SGPP1: variants seen among roughly 807,000 people sequenced by gnomAD.
SGPP1 encodes hSPP1.
SGPP1 carries 21 observed loss-of-function variants against 33.0 expected under a neutral mutation model. That is an observed-to-expected ratio of 0.64 (90% CI 0.45 to 0.92). The LOEUF (loss-of-function observed/expected upper bound fraction) is 0.92, where lower values mean the gene tolerates loss of function less well. SGPP1 is among the 40% of genes least tolerant of loss of function. The pLI is 0.00. For missense variants in SGPP1, 543 were observed against 589.4 expected (o/e 0.92, Z 0.81); for synonymous variants, 239 against 241.2 (o/e 0.99, Z 0.08).
chr14:63,698,422 ATGT>A, intron 2 of SGPP1, 144 bp downstream of exon 2: 1 of 457,300 alleles, frequency 2.2e-6, no homozygotes, highest in Non-Finnish European at 4.0e-6. Context: ...ATAAACCATC[ATGT>A]TGATATTTTC....
chr14:63,710,242 T>C (rs1048307636), intron 1 of SGPP1, among the ~76,000 whole-genome samples: 2 of 152,330 alleles, frequency 1.3e-5, no homozygotes, highest in Non-Finnish European at 2.9e-5. Flanking sequence ...TAAATGTTCA[T>C]ATATATTGAC....
At chr14:63,714,312 A>G (rs551847035) in intron 1 of SGPP1, among the ~76,000 whole-genome samples, 135 of 152,350 alleles carry the variant, frequency 8.9e-4, no homozygotes, top group Admixed American at 1.8e-3. Context: ...AAAGGCTCAG[A>G]TTGTCTATCA....
chr14:63,695,379 T>A (rs563252466), intron 2 of SGPP1, among the ~76,000 whole-genome samples: 79 of 151,928 alleles, frequency 5.2e-4, no homozygotes, highest in African/African-American at 1.9e-3. Context: ...TTAACTATAA[T>A]ATATTTCAGG....
chr14:63,724,881 TA>T (rs60279403), intron 1 of SGPP1, among the ~76,000 whole-genome samples: 203 of 123,620 alleles, frequency 1.6e-3, no homozygotes, highest in Middle Eastern at 0.01. Context: ...GACTCCGTCT[TA>T]AAAAAAAAAA....
In SGPP1 at chr14:63,712,190, CTTT is replaced by C. The variant is rs61048607; in HGVS notation, c.685-13535_685-13533del. Reference sequence around the variant, plus strand: ...AATAAAAAATTAACATTAGCTTTTTCTTTTTTTAATTTATTTTCTAAGTCTTCT... The same window carrying C: ...AATAAAAAATTAACATTAGCTTTTTCTTTTAATTTATTTTCTAAGTCTTCT... On this transcript the variant is annotated intron_variant, in intron 1 of 2. Coordinates refer to ENST00000247225, the MANE Select transcript of SGPP1 (RefSeq NM_030791.4). Among the ~76,000 whole-genome samples, 10 of 152,050 alleles carry C rather than the reference CTTT, an allele frequency of 6.6e-5. 1 individual carries two copies. The highest frequency in any genetic ancestry group is 5.2e-4 in the Admixed American group (8 of 15,264).
chr14:63,716,718 G>A (rs1474654012), intron 1 of SGPP1, among the ~76,000 whole-genome samples: 2 of 149,350 alleles, frequency 1.3e-5, no homozygotes, highest in Non-Finnish European at 3.0e-5. Flanking sequence ...TTTTGAGATA[G>A]AGTCTCACGC....
intron 2 of SGPP1, among the ~76,000 whole-genome samples, chr14:63,696,623 T>C (rs1194434819): frequency 6.6e-6 from 1 of 152,204 alleles, no homozygotes; most frequent in Admixed American, 6.5e-5. Flanking sequence ...AAGAAGTGTA[T>C]GTAAATTCAC....
In SGPP1 at chr14:63,727,623, G is replaced by A. The variant is rs1311701107; in HGVS notation, c.322C>T (p.Leu108=). 2 of 1,452,840 alleles carry A rather than the reference G, an allele frequency of 1.4e-6. No homozygotes were observed. Among genetic ancestry groups the A allele is most frequent in the Non-Finnish European group, 9.0e-7 (1 of 1,111,868 alleles). 90.0% of individuals were successfully genotyped at this position (1,452,840 alleles called of 1,614,324 possible). The change falls in exon 1 of 3, where the codon CTG becomes TTG. Residue 108 remains leucine, a synonymous_variant. Transcript: ENST00000247225. ...TCGCCCGTCAGCGAGTTGCGGCGCA[G>A]AGCGCCCGCGCGCCGCGGCGAGGCC... is the stretch of plus-strand genomic sequence containing the variant. ...GPASPRRAGA[L]RRNSLTGEEG...
chr14:63,694,367 A>G (rs781782669), intron 2 of SGPP1, among the ~76,000 whole-genome samples: 2 of 152,170 alleles, frequency 1.3e-5, no homozygotes, highest in Non-Finnish European at 2.9e-5. Context: ...CTTTAAAATA[A>G]TAACTTCTCA....
At chr14:63,701,508 C>A (rs774341622) in intron 1 of SGPP1, among the ~76,000 whole-genome samples, 1 of 152,032 alleles carries the variant, frequency 6.6e-6, no homozygotes, top group Admixed American at 6.6e-5. Flanking sequence ...GTATACTTGC[C>A]AAGCAGATTA....
intron 1 of SGPP1, among the ~76,000 whole-genome samples, chr14:63,709,872 GCT>G (rs1491543295): frequency 6.6e-6 from 1 of 151,378 alleles, no homozygotes; most frequent in Non-Finnish European, 1.5e-5. Flanking sequence ...CTACCAAACG[GCT>G]TTTTTCTTTG....
chr14:63,686,577 T>G lies in SGPP1; in HGVS notation c.854A>C (p.Asn285Thr), dbSNP rs374247390. The change falls in exon 3 of 3, where the codon AAC (asparagine) becomes ACC (threonine). Residue 285 changes from asparagine (N) to threonine (T), a missense_variant. Transcript: ENST00000247225. ...GAATGGAGCATATTTGTGAGTTTGG[T>G]TGAAGTTGTCAATCAGGTCCACAAA... ...YPFVDLIDNF[N>T]QTHKYAPFII... 27 of 1,613,868 alleles carry G rather than the reference T, an allele frequency of 1.7e-5. No homozygotes were observed. The highest frequency in any genetic ancestry group is 3.3e-4 in the Middle Eastern group (2 of 6,084).
chr14:63,720,019 G>A (rs1015797446), intron 1 of SGPP1, among the ~76,000 whole-genome samples: 2 of 151,528 alleles, frequency 1.3e-5, no homozygotes, highest in African/African-American at 2.4e-5. Flanking sequence ...CCAGCTACTC[G>A]GGAGGCTGGG....
Sources: gnomAD v4.1 joint callset for allele counts (sites outside exome capture counted in the v4.1 genomes callset) on GRCh38, gnomAD v4.1.1 for gene constraint, MANE v1.5 for transcripts, NCBI Gene and HGNC (gene_info 2026-07-23, HGNC 2026-07-21) for gene names.